Variants in ADAMTS3 observed in about 807,000 individuals in gnomAD.
ADAMTS3 encodes the protein ADAM metallopeptidase with thrombospondin type 1 motif 3.
A neutral mutation model predicts 129.0 loss-of-function variants in ADAMTS3; 73 were observed. The observed-to-expected ratio is 0.57, with a 90% CI of 0.47 to 0.69. The LOEUF (loss-of-function observed/expected upper bound fraction) is 0.69. Ranked by LOEUF, ADAMTS3 falls within the 30% of genes least tolerant of loss-of-function variation. The probability of loss-of-function intolerance (pLI) is 0.00; values close to 1 mark genes in which losing one functional copy is unlikely to be tolerated. For synonymous variants in ADAMTS3, 477 were observed against 510.8 expected, an observed-to-expected ratio of 0.93 and a Z score of 0.89; for missense variants, 1,457 against 1,514.5, an observed-to-expected ratio of 0.96 and a Z score of 0.63.
chr4:72,480,597 A>C (rs1327564754), intron 3 of ADAMTS3, among the ~76,000 whole-genome samples: 2 of 151,998 alleles, frequency 1.3e-5, no homozygotes, highest in Non-Finnish European at 2.9e-5. Context: ...CTAATGCTAA[A>C]TGACGAGTTA....
At chr4:72,360,953 A>T (rs1425597101) in intron 4 of ADAMTS3, among the ~76,000 whole-genome samples, 1 of 152,124 alleles carries the variant, frequency 6.6e-6, no homozygotes, top group African/African-American at 2.4e-5. Flanking sequence ...TATATGCTAC[A>T]AGTAACCAGT....
At chr4:72,425,599 T>C (rs1722551222) in intron 3 of ADAMTS3, among the ~76,000 whole-genome samples, 1 of 152,116 alleles carries the variant, frequency 6.6e-6, no homozygotes, top group African/African-American at 2.4e-5. Context: ...GTTTTTTGTC[T>C]TTGCAATAGT....
rs1297807499 is a variant in ADAMTS3, at chr4:72,282,064, T to C, written c.*1072A>G. ...ACCTGCCTTCAAAGCCCCAAAGCTC[T>C]ACTATACTCAAATATCAATTCTAGA... On this transcript the variant is annotated 3_prime_UTR_variant, in exon 22 of 22. Transcript: ENST00000286657. The C allele has an allele frequency of 6.6e-6, 1 of 152,198 alleles. No individual in the cohort carries two copies. Among genetic ancestry groups the C allele is most frequent in the African/African-American group, 2.4e-5 (1 of 41,452 alleles). The allele number at this position is 152,198 out of a possible 1,614,324, so 9.4% of individuals were successfully genotyped here.
At chr4:72,499,194 T>C (rs568442361) in intron 3 of ADAMTS3, among the ~76,000 whole-genome samples, 1 of 152,308 alleles carries the variant, frequency 6.6e-6, no homozygotes, top group African/African-American at 2.4e-5. Context: ...CATTGTTTTG[T>C]CTACAGTCTG....
intron 5 of ADAMTS3, among the ~76,000 whole-genome samples, chr4:72,338,826 G>T (rs998614113): frequency 1.3e-5 from 2 of 151,538 alleles, no homozygotes; most frequent in African/African-American, 4.9e-5. Flanking sequence ...CTCCTCAGTT[G>T]TTCTCTGCCA....
intron 4 of ADAMTS3, among the ~76,000 whole-genome samples, chr4:72,376,029 G>C (rs1721125752): frequency 6.6e-6 from 1 of 152,196 alleles, no homozygotes; most frequent in South Asian, 2.1e-4. Context: ...TACAGATATA[G>C]GGAAGGCAGG....
chr4:72,561,678 A>G (rs148540048), intron 2 of ADAMTS3, among the ~76,000 whole-genome samples: 224 of 152,364 alleles, frequency 1.5e-3, no homozygotes, highest in African/African-American at 5.1e-3. Context: ...AATGTGATTT[A>G]CTATCTAAGA....
intron 6 of ADAMTS3, 133 bp downstream of exon 6, chr4:72,322,881 C>T (rs1578581722): frequency 3.3e-6 from 2 of 600,404 alleles, no homozygotes; most frequent in Non-Finnish European, 5.8e-6. Flanking sequence ...AGTTTCTTCT[C>T]CTCAATTTCA....
chr4:72,509,424 GA>G (rs1264230683), intron 3 of ADAMTS3, among the ~76,000 whole-genome samples: 1 of 151,496 alleles, frequency 6.6e-6, no homozygotes, highest in Admixed American at 6.6e-5. Flanking sequence ...AATCAGAAAT[GA>G]AAAACAGACA....
In ADAMTS3 at chr4:72,312,483, A is replaced by T; in HGVS notation, c.1746-17T>A. The T allele has an allele frequency of 6.2e-7, 1 of 1,612,034 alleles. No individual in the cohort carries two copies. The highest frequency in any genetic ancestry group is 1.3e-5 in the African/African-American group (1 of 74,938). On this transcript the variant is annotated splice_polypyrimidine_tract_variant and intron_variant, in intron 12 of 21. Coordinates refer to ENST00000286657, the MANE Select transcript of ADAMTS3 (RefSeq NM_014243.3). ...TTGATGGGCCTAAAGAAAAGACAACATTTAAAAAGGCCTTTTGGCTTCTGT... is the reference window on the plus strand; with the variant it reads ...TTGATGGGCCTAAAGAAAAGACAACTTTTAAAAAGGCCTTTTGGCTTCTGT...
At chr4:72,399,679 T>TTA (rs2109904616) in intron 4 of ADAMTS3, among the ~76,000 whole-genome samples, 1 of 132,216 alleles carries the variant, frequency 7.6e-6, no homozygotes, top group Admixed American at 8.1e-5. Flanking sequence ...TGTCAAGAAG[T>TTA]TATATATATG....
At chr4:72,397,405 A>C (rs1721753452) in intron 4 of ADAMTS3, among the ~76,000 whole-genome samples, 1 of 152,104 alleles carries the variant, frequency 6.6e-6, no homozygotes, top group African/African-American at 2.4e-5. Context: ...CTCTACCAAA[A>C]GTACAATAAA....
At chr4:72,303,735 T>C (rs1427297842) in intron 17 of ADAMTS3, among the ~76,000 whole-genome samples, 182 bp downstream of exon 17, 1 of 152,158 alleles carries the variant, frequency 6.6e-6, no homozygotes, top group Non-Finnish European at 1.5e-5. Flanking sequence ...AATGTCTATA[T>C]AATAAATTAC....
chr4:72,327,468 T>G (rs1016618760), intron 5 of ADAMTS3, among the ~76,000 whole-genome samples: 1 of 152,222 alleles, frequency 6.6e-6, no homozygotes, highest in Non-Finnish European at 1.5e-5. Context: ...CCTATATTGA[T>G]TCAACTAATC....
intron 3 of ADAMTS3, among the ~76,000 whole-genome samples, chr4:72,534,968 A>G (rs1411144678): frequency 6.6e-6 from 1 of 152,152 alleles, no homozygotes; most frequent in Non-Finnish European, 1.5e-5. Context: ...GTCTTCTCTC[A>G]TTTTTATATG....
At chr4:72,418,766 T>C (rs1449258777) in intron 3 of ADAMTS3, among the ~76,000 whole-genome samples, 1 of 152,174 alleles carries the variant, frequency 6.6e-6, no homozygotes, top group Non-Finnish European at 1.5e-5. Flanking sequence ...AAAAAGATCA[T>C]GCCACTCCTT....
At chr4:72,515,041 T>A (rs1164697877) in intron 3 of ADAMTS3, among the ~76,000 whole-genome samples, 1 of 152,186 alleles carries the variant, frequency 6.6e-6, no homozygotes, top group Non-Finnish European at 1.5e-5. Context: ...TGTGTCCATG[T>A]GTTCTCATTG....
intron 5 of ADAMTS3, among the ~76,000 whole-genome samples, chr4:72,336,822 C>T (rs952527880): frequency 6.6e-6 from 1 of 152,080 alleles, no homozygotes; most frequent in Non-Finnish European, 1.5e-5. Context: ...AGGCCTCTGT[C>T]GCTATTAGCA....
intron 4 of ADAMTS3, among the ~76,000 whole-genome samples, chr4:72,364,432 T>C (rs936414716): frequency 6.6e-6 from 1 of 151,942 alleles, no homozygotes; most frequent in Non-Finnish European, 1.5e-5. Flanking sequence ...CTGGCCAACA[T>C]GGAGAAACCC....
Sources: gnomAD v4.1 joint callset for allele counts (sites outside exome capture counted in the v4.1 genomes callset) on GRCh38, gnomAD v4.1.1 for gene constraint, MANE v1.5 for transcripts, NCBI Gene and HGNC (gene_info 2026-07-23, HGNC 2026-07-21) for gene names.